The following GRIN2A variants were observed in gnomAD, a reference collection of about 807,000 sequenced individuals.
The protein encoded by GRIN2A is glutamate ionotropic receptor NMDA type subunit 2A.
Under a neutral mutation model 113.4 loss-of-function variants are expected in GRIN2A, and 22 were observed. That is an observed-to-expected ratio of 0.19 (90% confidence interval 0.14 to 0.28). The LOEUF (loss-of-function observed/expected upper bound fraction) is 0.28. Ranked by LOEUF, GRIN2A falls within the 10% of genes least tolerant of loss-of-function variation. The pLI is 1.00. For missense variants in GRIN2A, 1,502 were observed against 1,887.0 expected (o/e 0.80, Z 3.78); for synonymous variants, 827 against 738.4 (o/e 1.12, Z -1.94).
chr16:9,786,898 C>T (rs956360995), intron 11 of GRIN2A, among the ~76,000 whole-genome samples: 1 of 152,172 alleles, frequency 6.6e-6, no homozygotes, highest in African/African-American at 2.4e-5. Flanking sequence ...CCATTTTCTT[C>T]TCTTGCCCAA....
In GRIN2A at chr16:9,807,412, AAGG is replaced by A. The variant is rs563272590; in HGVS notation, c.2169-8951_2169-8949del. Reference sequence around the variant, plus strand: ...AGAGAGGGAGGGAGGGAGGGAGAGAAAGGAGAGACAGAGAGAAAGAGAGACAGA... The same window carrying A: ...AGAGAGGGAGGGAGGGAGGGAGAGAAAGAGACAGAGAGAAAGAGAGACAGA... On this transcript the variant is annotated intron_variant, in intron 10 of 12. Transcript: ENST00000330684. Among the ~76,000 whole-genome samples, 8 of 127,936 alleles carry A rather than the reference AAGG, an allele frequency of 6.3e-5. No homozygotes were observed. The South Asian group carries it at 2.1e-3, about 33-fold the overall frequency. 83.9% of individuals were successfully genotyped at this position (127,936 alleles called of 152,430 possible). A position where few individuals can be genotyped will look rare whatever the true frequency, so the allele number is the denominator to read the frequency against.
At chr16:9,951,057 C>G (rs528822010) in intron 2 of GRIN2A, among the ~76,000 whole-genome samples, 1 of 152,288 alleles carries the variant, frequency 6.6e-6, no homozygotes, top group East Asian at 1.9e-4. Flanking sequence ...GGTGCTTAAC[C>G]TGTGAGCTCC....
At chr16:10,090,131 C>G (rs2048159335) in intron 2 of GRIN2A, among the ~76,000 whole-genome samples, 1 of 152,174 alleles carries the variant, frequency 6.6e-6, no homozygotes, top group Admixed American at 6.5e-5. Context: ...ACACAGTCTA[C>G]TGGTCTCTGT....
intron 2 of GRIN2A, among the ~76,000 whole-genome samples, chr16:9,967,571 G>A (rs556592295): frequency 6.6e-6 from 1 of 152,304 alleles, no homozygotes; most frequent in African/African-American, 2.4e-5. Context: ...CGGGCGTGCT[G>A]GCGTGCGCCT....
chr16:9,919,874 C>A (rs572547954), intron 3 of GRIN2A, among the ~76,000 whole-genome samples: 1 of 152,204 alleles, frequency 6.6e-6, no homozygotes, highest in South Asian at 2.1e-4. Flanking sequence ...CCTTGGCAGT[C>A]CCCAATCCAA....
chr16:9,778,337 C>G (rs1190930200), intron 11 of GRIN2A, among the ~76,000 whole-genome samples: 1 of 152,154 alleles, frequency 6.6e-6, no homozygotes, highest in Non-Finnish European at 1.5e-5. Flanking sequence ...CTGCCTCACA[C>G]AAATAAAGAC....
At chr16:9,985,711 G>A (rs2045967261) in intron 2 of GRIN2A, among the ~76,000 whole-genome samples, 1 of 152,112 alleles carries the variant, frequency 6.6e-6, no homozygotes, top group Non-Finnish European at 1.5e-5. Flanking sequence ...AGGGTAGTTG[G>A]GGGATGGTAT....
At chr16:10,030,377 C>T (rs925983391) in intron 2 of GRIN2A, among the ~76,000 whole-genome samples, 1 of 152,156 alleles carries the variant, frequency 6.6e-6, no homozygotes, top group Non-Finnish European at 1.5e-5. Flanking sequence ...ACAGGTGAGA[C>T]ACTGCCTCCT....
chr16:9,811,998 T>TAAAG (rs2042095053), intron 10 of GRIN2A, among the ~76,000 whole-genome samples: 2 of 152,148 alleles, frequency 1.3e-5, no homozygotes, highest in South Asian at 4.1e-4. Context: ...GTAAAGATTT[T>TAAAG]AAAGAAAAAA....
At chr16:9,823,728 G>T (rs2141298143) in intron 9 of GRIN2A, among the ~76,000 whole-genome samples, 1 of 152,296 alleles carries the variant, frequency 6.6e-6, no homozygotes, top group Admixed American at 6.5e-5. Flanking sequence ...CTGAGGCTCA[G>T]AGAGGCTATG....
At chr16:9,972,854 C>A (rs1038343334) in intron 2 of GRIN2A, among the ~76,000 whole-genome samples, 3 of 152,194 alleles carry the variant, frequency 2.0e-5, no homozygotes, top group African/African-American at 7.2e-5. Flanking sequence ...TCACACACAG[C>A]CAGCTGTGCA....
intron 4 of GRIN2A, among the ~76,000 whole-genome samples, chr16:9,879,725 C>T (rs2043440550): frequency 6.6e-6 from 1 of 152,188 alleles, no homozygotes; most frequent in South Asian, 2.1e-4. Context: ...TATTGAATTT[C>T]TCTGAGCCTC....
intron 2 of GRIN2A, chr16:10,111,286 A>T: frequency 2.9e-6 from 1 of 348,906 alleles, no homozygotes; most frequent in Non-Finnish European, 5.6e-6. Context: ...ATTAAAAATT[A>T]TGCTTACAGT....
chr16:9,941,863 T>A (rs900863009), intron 2 of GRIN2A, among the ~76,000 whole-genome samples: 3 of 152,170 alleles, frequency 2.0e-5, no homozygotes, highest in Non-Finnish European at 4.4e-5. Flanking sequence ...GCACTAATAG[T>A]ATGCCCATTT....
chr16:10,181,142 G>C (rs917689523), intron 1 of GRIN2A, among the ~76,000 whole-genome samples: 3 of 12,438 alleles, frequency 2.4e-4, no homozygotes, highest in Non-Finnish European at 4.4e-4. Context: ...GCCCCACCTC[G>C]AGCCAAGGGG....
intron 3 of GRIN2A, among the ~76,000 whole-genome samples, chr16:9,904,646 T>A (rs1213458678): frequency 3.3e-5 from 5 of 152,184 alleles, no homozygotes; most frequent in Non-Finnish European, 5.9e-5. Flanking sequence ...GTGCTGGGAT[T>A]ACAAGGGTGA....
chr16:9,794,985 C>A (rs766313508), intron 11 of GRIN2A, among the ~76,000 whole-genome samples: 1 of 151,256 alleles, frequency 6.6e-6, no homozygotes, highest in Non-Finnish European at 1.5e-5. Flanking sequence ...TGGTGATGAT[C>A]GTGGTAATGA....
At chr16:9,878,431 A>G (rs2043414128) in intron 4 of GRIN2A, among the ~76,000 whole-genome samples, 1 of 152,128 alleles carries the variant, frequency 6.6e-6, no homozygotes, top group South Asian at 2.1e-4. Flanking sequence ...TATCCTAACA[A>G]CCTAGGAGGT....
chr16:9,783,550 T>C (rs1244751530), intron 11 of GRIN2A, among the ~76,000 whole-genome samples: 1 of 152,240 alleles, frequency 6.6e-6, no homozygotes, highest in Non-Finnish European at 1.5e-5. Context: ...ATATCTCCTA[T>C]GTTCTTTATT....
Sources: gnomAD v4.1 joint callset for allele counts (sites outside exome capture counted in the v4.1 genomes callset) on GRCh38, gnomAD v4.1.1 for gene constraint, MANE v1.5 for transcripts, NCBI Gene and HGNC (gene_info 2026-07-23, HGNC 2026-07-21) for gene names.